Variants in PIWIL4 observed in about 807,000 individuals in gnomAD.
PIWIL4 encodes the protein piwi-like protein 4.
Under a neutral mutation model 100.9 loss-of-function variants are expected in PIWIL4, and 50 were observed. That is an observed-to-expected ratio of 0.50 (90% CI 0.39 to 0.63). The LOEUF is 0.63. Ranked by LOEUF, PIWIL4 falls within the 20% of genes least tolerant of loss-of-function variation. The pLI, the probability that PIWIL4 is intolerant of heterozygous loss-of-function variation, is 0.00. For missense variants in PIWIL4, 887 were observed against 1,043.3 expected (o/e 0.85, Z 2.06); for synonymous variants, 342 against 367.5 (o/e 0.93, Z 0.79).
intron 11 of PIWIL4, among the ~76,000 whole-genome samples, chr11:94,600,433 A>G (rs1948619652): frequency 3.3e-5 from 5 of 152,218 alleles, no homozygotes; most frequent in Admixed American, 3.3e-4. Context: ...CAAGCCGTAA[A>G]ACCAGCAAGT....
chr11:94,608,495 A>G, intron 14 of PIWIL4, 88 bp from the exon 15 acceptor site: 1 of 1,053,020 alleles, frequency 9.5e-7, no homozygotes, highest in South Asian at 1.4e-5. Context: ...CAGTAACTGG[A>G]GTCTGTTTTT....
At chr11:94,605,853 G>A (rs994645299) in intron 13 of PIWIL4, among the ~76,000 whole-genome samples, 8 of 152,086 alleles carry the variant, frequency 5.3e-5, no homozygotes, top group Admixed American at 4.6e-4. Context: ...TTTTGCCAGT[G>A]GGATTCCCCT....
intron 4 of PIWIL4, among the ~76,000 whole-genome samples, chr11:94,582,627 AG>A (rs1948336649): frequency 6.6e-6 from 1 of 152,210 alleles, no homozygotes. Flanking sequence ...CTTTATTTCA[AG>A]AACCTATTCT....
In PIWIL4 at chr11:94,591,902, G is replaced by T. The variant is rs147756017; in HGVS notation, c.1027-1616G>T. The stretch of plus-strand genomic sequence containing the variant: ...AAATGCTAAGAAAATTGGGGCAAGG[G>T]AGAGGGTCACATTTACCTTGTGAGA... On this transcript the variant is annotated intron_variant, in intron 8 of 19. Coordinates refer to ENST00000299001, the MANE Select transcript of PIWIL4 (RefSeq NM_152431.3). Among the ~76,000 whole-genome samples, 265 of 152,304 alleles carry T rather than the reference G, an allele frequency of 1.7e-3. 1 individual carries two copies. Among genetic ancestry groups the T allele is most frequent in the Non-Finnish European group, 2.5e-3 (170 of 68,028 alleles).
At chr11:94,602,569 A>G (rs1591797151) in intron 12 of PIWIL4, among the ~76,000 whole-genome samples, 1 of 151,614 alleles carries the variant, frequency 6.6e-6, no homozygotes, top group East Asian at 1.9e-4. Flanking sequence ...AGAAAGATAA[A>G]TAAATAGTTT....
At chr11:94,603,869 T>G (rs925201983) in intron 12 of PIWIL4, 115 bp from the exon 13 acceptor site, 22 of 617,944 alleles carry the variant, frequency 3.6e-5, no homozygotes, top group Non-Finnish European at 5.8e-5. Flanking sequence ...TCTAATAATT[T>G]TTCCTAAAAC....
At chr11:94,606,918 A>T (rs1271188) in intron 13 of PIWIL4, among the ~76,000 whole-genome samples, 89,803 of 151,388 alleles carry the variant, frequency 0.59, 26,953 homozygotes, top group East Asian at 0.68. Flanking sequence ...GCTTTTTTTT[A>T]AAAAAGTGTA....
chr11:94,604,817 AAACT>A (rs1948693993), intron 13 of PIWIL4, among the ~76,000 whole-genome samples: 1 of 152,156 alleles, frequency 6.6e-6, no homozygotes, highest in Non-Finnish European at 1.5e-5. Flanking sequence ...TATGTCATGC[AAACT>A]AACTGAACTA....
chr11:94,618,211 T>A, intron 17 of PIWIL4, 104 bp downstream of exon 17: 2 of 1,189,626 alleles, frequency 1.7e-6, no homozygotes, highest in Non-Finnish European at 2.3e-6. Flanking sequence ...TTTATGCAAT[T>A]AAGTTTTGCT....
chr11:94,575,120 T>G lies in PIWIL4; in HGVS notation c.288T>G (p.Asn96Lys), dbSNP rs1948219868. 1 of 1,613,446 alleles carries G rather than the reference T, an allele frequency of 6.2e-7. No individual in the cohort carries two copies. The highest frequency in any genetic ancestry group is 8.5e-7 in the Non-Finnish European group (1 of 1,179,826). Residue 96 changes from asparagine (N) to lysine (K), a missense_variant, in exon 3 of 20, where the codon AAT becomes AAG. This residue lies in a region of PIWIL4 where 741 missense variants were observed against 930.0 expected (regional missense o/e 0.80). Coordinates refer to ENST00000299001, the MANE Select transcript of PIWIL4 (RefSeq NM_152431.3). ...CTREKLAHVR[N>K]CKTGSSGIPV... ...GAGAAAAATTGGCACATGTGAGAAA[T>G]TGTAAAACAGGTACCCAGTTTTATG... is the stretch of plus-strand genomic sequence containing the variant.
chr11:94,586,348 CAAA>C (rs1304453671), intron 6 of PIWIL4, among the ~76,000 whole-genome samples: 2 of 151,990 alleles, frequency 1.3e-5, no homozygotes, highest in Non-Finnish European at 2.9e-5. Flanking sequence ...TAATAGTCCA[CAAA>C]ATATAAACTG....
At chr11:94,620,352 A>G (rs1948892597) in intron 19 of PIWIL4, among the ~76,000 whole-genome samples, 1 of 152,198 alleles carries the variant, frequency 6.6e-6, no homozygotes, top group Admixed American at 6.5e-5. Context: ...CAAAATAACA[A>G]TAACTATTAT....
chr11:94,593,616 G>T lies in PIWIL4; in HGVS notation c.1125G>T (p.Leu375=), dbSNP rs1256709368. 5.0e-6 allele frequency: 8 copies of T among 1,613,972 alleles called. No individual in the cohort carries two copies. Among genetic ancestry groups the T allele is most frequent in the Middle Eastern group, 1.6e-4 (1 of 6,062 alleles). The change falls in exon 9 of 20, where the codon CTG becomes CTT. Residue 375 remains leucine, a synonymous_variant. Coordinates refer to ENST00000299001, the MANE Select transcript of PIWIL4 (RefSeq NM_152431.3). ...NDNSEAQLAH[L]IPELCFLTGL... ...ACAGTGAGGCTCAGCTCGCCCACCT[G>T]ATACCTGAGCTCTGCTTTCTAACAG...
intron 13 of PIWIL4, among the ~76,000 whole-genome samples, chr11:94,606,292 T>G (rs1389328988): frequency 1.3e-5 from 2 of 152,254 alleles, no homozygotes; most frequent in East Asian, 3.8e-4. Flanking sequence ...AAGGAAGGCC[T>G]CTAAGAGCCT....
At position 94,568,731 on chromosome 11, in the gene PIWIL4, C is replaced by CT; in HGVS notation, c.90dup (p.Arg31Ter). On this transcript the variant is annotated frameshift_variant and splice_region_variant, in exon 2 of 20. Transcript: ENST00000299001. LOFTEE classifies it high-confidence loss of function. ...CAAAACTTTTTTTTGCCATTTTAGC[C>CT]TAGATCTGTTGATCTTAGTAACAAT... is the stretch of plus-strand genomic sequence containing the variant. 6.2e-7 allele frequency: 1 copy of CT among 1,600,732 alleles called. No individual in the cohort carries two copies. Among genetic ancestry groups the CT allele is most frequent in the Non-Finnish European group, 8.6e-7 (1 of 1,167,904 alleles).
At chr11:94,574,893 A>G in intron 2 of PIWIL4, 106 bp from the exon 3 acceptor site, 1 of 1,190,598 alleles carries the variant, frequency 8.4e-7, no homozygotes, top group East Asian at 2.5e-5. Context: ...GGCAAACTGT[A>G]TTCAAAACCA....
chr11:94,568,129 T>TTAG (rs1454220257), intron 1 of PIWIL4, among the ~76,000 whole-genome samples: 1 of 151,984 alleles, frequency 6.6e-6, no homozygotes, highest in Non-Finnish European at 1.5e-5. Context: ...CTACATATTC[T>TTAG]TAGCATTTGG....
At chr11:94,605,477 G>T (rs1948703785) in intron 13 of PIWIL4, among the ~76,000 whole-genome samples, 1 of 152,202 alleles carries the variant, frequency 6.6e-6, no homozygotes, top group Admixed American at 6.5e-5. Flanking sequence ...TCACTCCACT[G>T]TATGGTGGAT....
At chr11:94,567,968 A>G (rs1321592844) in intron 1 of PIWIL4, among the ~76,000 whole-genome samples, 1 of 152,080 alleles carries the variant, frequency 6.6e-6, no homozygotes, top group East Asian at 1.9e-4. Context: ...TTTTCTGGCT[A>G]ATTAGTATAT....
Sources: gnomAD v4.1 joint callset for allele counts (sites outside exome capture counted in the v4.1 genomes callset) on GRCh38, gnomAD v4.1.1 for gene constraint, gnomAD v4.1.1 regional missense constraint, MANE v1.5 for transcripts, NCBI Gene and HGNC (gene_info 2026-07-23, HGNC 2026-07-21) for gene names.